MED13L: variants seen among roughly 807,000 people sequenced by gnomAD.
The protein encoded by MED13L is mediator of RNA polymerase II transcription subunit 13-like.
Under a neutral mutation model 220.9 loss-of-function variants are expected in MED13L, and 7 were observed. The ratio of observed to expected loss-of-function variants is 0.03; its 90% confidence interval spans 0.02 to 0.06. The LOEUF (loss-of-function observed/expected upper bound fraction) is 0.06, where lower values mean the gene tolerates loss of function less well. Among genes scored for constraint, MED13L ranks in the 10% least tolerant of loss-of-function variants. MED13L has a pLI of 1.00. For synonymous variants in MED13L, 1,011 were observed against 1,015.2 expected (o/e 1.00, Z 0.08); for missense variants, 1,965 against 2,760.5 (o/e 0.71, Z 6.46).
At chr12:115,975,887 T>G in intron 23 of MED13L, 149 bp from the exon 24 acceptor site, 1 of 723,124 alleles carries the variant, frequency 1.4e-6, no homozygotes. Flanking sequence ...GACACATAAA[T>G]AGTACTGAGG....
chr12:116,022,885 T>C (rs889397333), intron 4 of MED13L, among the ~76,000 whole-genome samples: 1 of 152,188 alleles, frequency 6.6e-6, no homozygotes, highest in Non-Finnish European at 1.5e-5. Flanking sequence ...TATAAACACC[T>C]AAGAACAGAG....
At chr12:115,972,344 C>CT (rs1876644848) in intron 25 of MED13L, 108 bp from the exon 26 acceptor site, 7 of 1,347,886 alleles carry the variant, frequency 5.2e-6, no homozygotes, top group Non-Finnish European at 7.3e-6. Flanking sequence ...AGGTTGGGCC[C>CT]TAAAGGGAAT....
At chr12:116,087,211 T>A (rs546212517) in intron 4 of MED13L, among the ~76,000 whole-genome samples, 1 of 152,342 alleles carries the variant, frequency 6.6e-6, no homozygotes, top group South Asian at 2.1e-4. Context: ...GATGTTAGGT[T>A]CTGTATTAGC....
intron 2 of MED13L, among the ~76,000 whole-genome samples, chr12:116,153,991 C>A (rs1407318809): frequency 1.3e-5 from 2 of 152,124 alleles, no homozygotes; most frequent in Non-Finnish European, 2.9e-5. Flanking sequence ...GGTATAACAA[C>A]AACAAAAATC....
At chr12:116,019,462 A>G (rs149958623) in intron 6 of MED13L, 50 bp from the exon 7 acceptor site, 1 of 1,587,398 alleles carries the variant, frequency 6.3e-7, no homozygotes, top group South Asian at 1.1e-5. Context: ...AAGAATTCAT[A>G]CAAGACTTCC....
chr12:116,202,087 T>C (rs1295718661), intron 2 of MED13L, among the ~76,000 whole-genome samples: 1 of 152,222 alleles, frequency 6.6e-6, no homozygotes, highest in Non-Finnish European at 1.5e-5. Context: ...ATCTGATGAG[T>C]TCAGCGTCAA....
intron 6 of MED13L, 60 bp from the exon 7 acceptor site, chr12:116,019,472 CA>C: frequency 6.4e-7 from 1 of 1,560,818 alleles, no homozygotes; most frequent in South Asian, 1.1e-5. Context: ...ACAAGACTTC[CA>C]ATTTTATGAT....
chr12:116,049,478 G>A (rs1043895668), intron 4 of MED13L, among the ~76,000 whole-genome samples: 12 of 151,946 alleles, frequency 7.9e-5, no homozygotes, highest in Admixed American at 6.6e-4. Context: ...CCTTTTTCCA[G>A]ATGAAGCACT....
chr12:116,198,703 A>G (rs997471956), intron 2 of MED13L, among the ~76,000 whole-genome samples: 1 of 150,956 alleles, frequency 6.6e-6, no homozygotes, highest in Non-Finnish European at 1.5e-5. Flanking sequence ...CACCTCCCCT[A>G]GACTAAGAGC....
At chr12:116,007,072 C>T (rs939199986) in intron 11 of MED13L, 8 of 341,474 alleles carry the variant, frequency 2.3e-5, no homozygotes, top group African/African-American at 4.2e-5. Flanking sequence ...AACATTTTTT[C>T]CTTTACATTT....
intron 1 of MED13L, among the ~76,000 whole-genome samples, chr12:116,257,517 C>G (rs1565953548): frequency 1.3e-5 from 2 of 152,144 alleles, no homozygotes. Flanking sequence ...GAATAGCCAT[C>G]TTGAACTATA....
chr12:116,092,420 T>A (rs1474134936), intron 4 of MED13L, among the ~76,000 whole-genome samples: 1 of 152,200 alleles, frequency 6.6e-6, no homozygotes, highest in African/African-American at 2.4e-5. Flanking sequence ...CAGGGCAGGT[T>A]TGCCCATGAG....
chr12:116,015,396 C>A, intron 7 of MED13L, 122 bp from the exon 8 acceptor site: 1 of 1,048,536 alleles, frequency 9.5e-7, no homozygotes, highest in Non-Finnish European at 1.5e-6. Flanking sequence ...ATAGCTTTTT[C>A]CCTATCCCCT....
intron 4 of MED13L, among the ~76,000 whole-genome samples, chr12:116,063,209 G>A (rs931172905): frequency 6.6e-6 from 1 of 152,136 alleles, no homozygotes; most frequent in Non-Finnish European, 1.5e-5. Context: ...CCACTTTTTT[G>A]TACTGATAGT....
At chr12:116,273,257 T>C (rs985464645) in intron 1 of MED13L, among the ~76,000 whole-genome samples, 1 of 152,016 alleles carries the variant, frequency 6.6e-6, no homozygotes, top group African/African-American at 2.4e-5. Context: ...TGAACTGAGA[T>C]GGCACCTTTG....
intron 1 of MED13L, among the ~76,000 whole-genome samples, chr12:116,254,732 G>A (rs1014561440): frequency 6.6e-6 from 1 of 151,332 alleles, no homozygotes; most frequent in Non-Finnish European, 1.5e-5. Context: ...ACCCAGCCTG[G>A]GTGACAGAGT....
chr12:116,075,945 G>A (rs927873164), intron 4 of MED13L, among the ~76,000 whole-genome samples: 4 of 137,890 alleles, frequency 2.9e-5, no homozygotes, highest in South Asian at 2.3e-4. Flanking sequence ...ACGGAGTCTC[G>A]CTCTGTCGCC....
At chr12:116,058,601 C>T (rs772540347) in intron 4 of MED13L, among the ~76,000 whole-genome samples, 6 of 152,078 alleles carry the variant, frequency 3.9e-5, no homozygotes, top group African/African-American at 7.2e-5. Flanking sequence ...TCCCACAATA[C>T]GTTTTTGAAG....
chr12:116,230,409 A>T (rs1252228971), intron 2 of MED13L: 2 of 847,392 alleles, frequency 2.4e-6, no homozygotes, highest in Non-Finnish European at 2.8e-6. Flanking sequence ...CAACAACAAT[A>T]AAAAAAAGTA....
Sources: allele counts gnomAD v4.1 joint callset (sites outside exome capture counted in the v4.1 genomes callset), GRCh38; gene constraint gnomAD v4.1.1; transcripts MANE v1.5; gene names NCBI Gene and HGNC (gene_info 2026-07-23, HGNC 2026-07-21).